EFHC1: variants seen among roughly 807,000 people sequenced by gnomAD.
EFHC1 encodes the protein EF-hand domain-containing protein 1.
A neutral mutation model predicts 69.9 loss-of-function variants in EFHC1; 53 were observed. The observed-to-expected ratio is 0.76, with a 90% CI of 0.61 to 0.95. The LOEUF (loss-of-function observed/expected upper bound fraction) is 0.95. EFHC1 is among the 40% of genes least tolerant of loss of function. EFHC1 has a pLI of 0.00. For missense variants in EFHC1, 739 were observed against 798.7 expected (o/e 0.93, Z 0.90); for synonymous variants, 256 against 278.4 (o/e 0.92, Z 0.80).
At chr6:52,422,514 C>A (rs1764214465) in intron 1 of EFHC1, among the ~76,000 whole-genome samples, 1 of 152,056 alleles carries the variant, frequency 6.6e-6, no homozygotes, top group Admixed American at 6.5e-5. Context: ...GAAGTTTATT[C>A]TGTTGTACCT....
At position 52,496,349 on chromosome 6, in the gene EFHC1, G is replaced by T. The variant is rs1213856824; in HGVS notation, c.*4008G>T. 6.6e-6 allele frequency: 1 copy of T among 152,274 alleles called. No homozygotes were observed. Among genetic ancestry groups the T allele is most frequent in the Admixed American group, 6.5e-5 (1 of 15,292 alleles). 9.4% of individuals were successfully genotyped at this position (152,274 alleles called of 1,614,324 possible). A position where few individuals can be genotyped will look rare whatever the true frequency, so the allele number is the denominator to read the frequency against. On this transcript the variant is annotated 3_prime_UTR_variant, in exon 11 of 11. Coordinates refer to ENST00000371068, the MANE Select transcript of EFHC1 (RefSeq NM_018100.4). ...TGGGACTAATAAAAATCTGCCTTGC[G>T]GGTAAAGATGGGCTGTGAGTTAGCC...
At chr6:52,447,346 G>T (rs1356259867) in intron 3 of EFHC1, among the ~76,000 whole-genome samples, 1 of 152,002 alleles carries the variant, frequency 6.6e-6, no homozygotes, top group Non-Finnish European at 1.5e-5. Flanking sequence ...TCTTCCACTT[G>T]ATCTAATCGG....
At position 52,492,311 on chromosome 6, in the gene EFHC1, C is replaced by T. The variant is rs35648306; in HGVS notation, c.1893C>T (p.Tyr631=). 1.4e-3 allele frequency: 2,257 copies of T among 1,613,990 alleles called. 32 individuals carry two copies. In the African/African-American group the frequency reaches 0.026, roughly 19 times the overall value. The stretch of plus-strand genomic sequence containing the variant: ...CTCATGGAGAAGGCAAAATTAACTA[C>T]TATAACTTTGTTCGTGCTTTCTCAA... ...MCSHGEGKIN[Y]YNFVRAFSN The change falls in exon 11 of 11, where the codon TAC becomes TAT. Residue 631 remains tyrosine, a synonymous_variant. Transcript: ENST00000371068.
Position 52,494,231 on chromosome 6 carries a change from G to A in EFHC1, c.*1890G>A. 4.4e-6 allele frequency: 2 copies of A among 454,132 alleles called. No individual in the cohort carries two copies. Among genetic ancestry groups the A allele is most frequent in the Non-Finnish European group, 8.8e-6 (2 of 226,798 alleles). 28.1% of individuals were successfully genotyped at this position (454,132 alleles called of 1,614,324 possible). A position where few individuals can be genotyped will look rare whatever the true frequency, so the allele number is the denominator to read the frequency against. On this transcript the variant is annotated 3_prime_UTR_variant, in exon 11 of 11. Coordinates refer to ENST00000371068, the MANE Select transcript of EFHC1 (RefSeq NM_018100.4). ...AGGCAAATAAGTTGGACCATTGAAA[G>A]TTGGGGACTATCTGTATTTTAGAAG...
At chr6:52,471,137 G>A (rs1011418517) in intron 7 of EFHC1, among the ~76,000 whole-genome samples, 7 of 152,194 alleles carry the variant, frequency 4.6e-5, no homozygotes, top group Admixed American at 3.3e-4. Flanking sequence ...TCATTTTTCC[G>A]CTAGGCGTGT....
rs138415672 is a variant in EFHC1, at chr6:52,458,268, G to GAA, written c.916+3989_916+3990dup. Among the ~76,000 whole-genome samples, 3 of 150,730 alleles carry GAA rather than the reference G, an allele frequency of 2.0e-5. No individual in the cohort carries two copies. In the South Asian group the frequency reaches 6.3e-4, roughly 32 times the overall value. ...GTGAGACCCTGTCTCAGAGCAGGGG[G>GAA]AAAAAAAAAGCAAATGTAATGAAAA... On this transcript the variant is annotated intron_variant, in intron 5 of 10. Coordinates refer to ENST00000371068, the MANE Select transcript of EFHC1 (RefSeq NM_018100.4).
rs996463732 is a variant in EFHC1, at chr6:52,496,347, G to A, written c.*4006G>A. 1 of 152,260 alleles carries A rather than the reference G, an allele frequency of 6.6e-6. No individual in the cohort carries two copies. Among genetic ancestry groups the A allele is most frequent in the Admixed American group, 6.5e-5 (1 of 15,280 alleles). 9.4% of individuals were successfully genotyped at this position (152,260 alleles called of 1,614,324 possible). On this transcript the variant is annotated 3_prime_UTR_variant, in exon 11 of 11. Transcript: ENST00000371068. ...TTTGGGACTAATAAAAATCTGCCTT[G>A]CGGGTAAAGATGGGCTGTGAGTTAG... is the stretch of plus-strand genomic sequence containing the variant.
chr6:52,457,497 A>G (rs772333165), intron 5 of EFHC1, among the ~76,000 whole-genome samples: 7 of 152,232 alleles, frequency 4.6e-5, no homozygotes, highest in Non-Finnish European at 8.8e-5. Flanking sequence ...ATAGGAAATT[A>G]TGGGAGTAAC....
intron 9 of EFHC1, chr6:52,488,807 T>C (rs1297817795): frequency 6.6e-6 from 1 of 152,244 alleles, no homozygotes; most frequent in Non-Finnish European, 1.5e-5. Flanking sequence ...TACATACTTT[T>C]ATGTCTTGAG....
At chr6:52,478,023 A>G (rs911423412) in intron 7 of EFHC1, among the ~76,000 whole-genome samples, 58 of 152,128 alleles carry the variant, frequency 3.8e-4, no homozygotes, top group Non-Finnish European at 7.2e-4. Context: ...CTTGGAACCA[A>G]CCCAAATGTC....
chr6:52,478,984 C>G, intron 7 of EFHC1, 53 bp from the exon 8 acceptor site: 1 of 1,565,822 alleles, frequency 6.4e-7, no homozygotes, highest in Non-Finnish European at 8.8e-7. Context: ...TAAGTTGGCA[C>G]ATCTGCATAG....
intron 2 of EFHC1, among the ~76,000 whole-genome samples, chr6:52,426,072 A>G (rs575832930): frequency 2.0e-5 from 3 of 152,110 alleles, no homozygotes; most frequent in South Asian, 2.1e-4. Context: ...TATTATTTCT[A>G]TTTCAGACAC....
chr6:52,439,560 A>G (rs1048153325), intron 3 of EFHC1, among the ~76,000 whole-genome samples: 2 of 152,110 alleles, frequency 1.3e-5, no homozygotes, highest in Non-Finnish European at 2.9e-5. Context: ...AGAGGTTCCA[A>G]TCTTGTTGGA....
intron 3 of EFHC1, among the ~76,000 whole-genome samples, chr6:52,447,964 A>T (rs1764823958): frequency 6.6e-6 from 1 of 152,210 alleles, no homozygotes; most frequent in South Asian, 2.1e-4. Context: ...TGGCTGTATG[A>T]GGTGTCAGTT....
chr6:52,425,330 A>T (rs1764279719), intron 2 of EFHC1, among the ~76,000 whole-genome samples: 1 of 152,226 alleles, frequency 6.6e-6, no homozygotes, highest in Admixed American at 6.5e-5. Context: ...AGGGCTGAAA[A>T]TACAAGAGAG....
intron 2 of EFHC1, among the ~76,000 whole-genome samples, chr6:52,425,404 A>G (rs955928438): frequency 6.6e-6 from 1 of 152,196 alleles, no homozygotes. Context: ...TTTTACTGAA[A>G]AGAATAGTAA....
At chr6:52,473,094 T>C (rs964475028) in intron 7 of EFHC1, among the ~76,000 whole-genome samples, 2 of 152,136 alleles carry the variant, frequency 1.3e-5, no homozygotes, top group Non-Finnish European at 2.9e-5. Flanking sequence ...AAGATACTCT[T>C]GGAGAAGAGC....
intron 2 of EFHC1, among the ~76,000 whole-genome samples, chr6:52,424,756 C>T (rs1385505735): frequency 1.3e-5 from 2 of 152,046 alleles, no homozygotes; most frequent in African/African-American, 4.8e-5. Flanking sequence ...CTTGTTTTTC[C>T]TTGTCAATGA....
In EFHC1 at chr6:52,474,694, A is replaced by G. The variant is rs563575793; in HGVS notation, c.1279-4343A>G. ...TAAGGAACTACAGCTACTAATAACAACATGGCTAAATCACATAAACATAAT... is the reference window on the plus strand; with the variant it reads ...TAAGGAACTACAGCTACTAATAACAGCATGGCTAAATCACATAAACATAAT... On this transcript the variant is annotated intron_variant, in intron 7 of 10. Coordinates refer to ENST00000371068, the MANE Select transcript of EFHC1 (RefSeq NM_018100.4). Among the ~76,000 whole-genome samples, 43 of 152,382 alleles carry G rather than the reference A, an allele frequency of 2.8e-4. No homozygotes were observed. The South Asian group carries it at 5.0e-3, about 18-fold the overall frequency.
Sources: allele counts gnomAD v4.1 joint callset (sites outside exome capture counted in the v4.1 genomes callset), GRCh38; gene constraint gnomAD v4.1.1; transcripts MANE v1.5; gene names NCBI Gene and HGNC (gene_info 2026-07-23, HGNC 2026-07-21).